FOXO3: variants seen among roughly 807,000 people sequenced by gnomAD.
FOXO3 encodes the protein forkhead box O3, also known as forkhead box protein O3.
A neutral mutation model predicts 41.9 loss-of-function variants in FOXO3; 4 were observed. The ratio of observed to expected loss-of-function variants is 0.10; its 90% confidence interval spans 0.05 to 0.22. The LOEUF (loss-of-function observed/expected upper bound fraction) is 0.22, where lower values mean the gene tolerates loss of function less well. Among genes scored for constraint, FOXO3 ranks in the 10% least tolerant of loss-of-function variants. FOXO3 has a pLI of 1.00. For missense variants in FOXO3, 534 were observed against 906.8 expected, an observed-to-expected ratio of 0.59 and a Z score of 5.28; for synonymous variants, 318 against 389.3, an observed-to-expected ratio of 0.82 and a Z score of 2.16.
At chr6:108,593,235 G>GT (rs1776779065) in intron 1 of FOXO3, among the ~76,000 whole-genome samples, 1 of 152,114 alleles carries the variant, frequency 6.6e-6, no homozygotes, top group African/African-American at 2.4e-5. Flanking sequence ...GAAATAGGGT[G>GT]TGCAGATATT....
rs1770820703 is a variant in FOXO3, at chr6:108,680,791, G to A, written c.*999G>A. 1 of 150,594 alleles carries A rather than the reference G, an allele frequency of 6.6e-6. No homozygotes were observed. The highest frequency in any genetic ancestry group is 2.1e-4 in the South Asian group (1 of 4,762). 9.3% of individuals were successfully genotyped at this position (150,594 alleles called of 1,614,324 possible). The stretch of plus-strand genomic sequence containing the variant: ...CAAAAAAGTCCTGTTTTGCTTTGCA[G>A]AACAAATGAACTTACAGGTGAGCAT... On this transcript the variant is annotated 3_prime_UTR_variant, in exon 3 of 3. Transcript: ENST00000406360.
At chr6:108,566,203 T>A (rs1488937828) in intron 1 of FOXO3, among the ~76,000 whole-genome samples, 1 of 152,226 alleles carries the variant, frequency 6.6e-6, no homozygotes, top group Non-Finnish European at 1.5e-5. Context: ...TAACAGAGAC[T>A]CTTTAAAAAA....
chr6:108,629,683 C>G (rs1417565680), intron 1 of FOXO3, among the ~76,000 whole-genome samples: 2 of 149,818 alleles, frequency 1.3e-5, no homozygotes, highest in African/African-American at 2.4e-5. Flanking sequence ...CTTTTTTTTT[C>G]TGACAGGAGA....
intron 1 of FOXO3, among the ~76,000 whole-genome samples, chr6:108,662,906 C>T (rs189054936): frequency 1.3e-5 from 2 of 152,320 alleles, no homozygotes; most frequent in African/African-American, 4.8e-5. Context: ...AAACTACTAT[C>T]AGTGAGCTTA....
At chr6:108,679,413 G>A (rs558765267) in intron 2 of FOXO3, among the ~76,000 whole-genome samples, 3 of 152,216 alleles carry the variant, frequency 2.0e-5, no homozygotes, top group Admixed American at 6.5e-5. Context: ...TAGGATGAGC[G>A]GCTCTCCTTG....
In FOXO3 at chr6:108,561,712, C is replaced by G; in HGVS notation, c.504C>G (p.Arg168=). The change falls in exon 1 of 3, where the codon CGC becomes CGG. Residue 168 remains arginine, a synonymous_variant. Transcript: ENST00000406360. ...GNLSYADLIT[R]AIESSPDKRL... The stretch of plus-strand genomic sequence containing the variant: ...TGTCCTACGCGGACCTGATCACCCG[C>G]GCCATCGAGAGCTCCCCGGACAAAC... 6.2e-7 allele frequency: 1 copy of G among 1,612,124 alleles called. No homozygotes were observed. Among genetic ancestry groups the G allele is most frequent in the South Asian group, 1.1e-5 (1 of 90,920 alleles).
chr6:108,606,620 C>T (rs1325619943), intron 1 of FOXO3, among the ~76,000 whole-genome samples: 9 of 152,250 alleles, frequency 5.9e-5, no homozygotes, highest in Admixed American at 2.0e-4. Context: ...AGCAAGCAGC[C>T]TTGTGAACAA....
At chr6:108,601,165 G>C (rs1257706482) in intron 1 of FOXO3, among the ~76,000 whole-genome samples, 1 of 151,768 alleles carries the variant, frequency 6.6e-6, no homozygotes, top group Admixed American at 6.6e-5. Context: ...CTGCCACCAT[G>C]CCCGGCTAAT....
intron 1 of FOXO3, among the ~76,000 whole-genome samples, chr6:108,663,055 C>T (rs1582827126): frequency 6.6e-6 from 1 of 152,004 alleles, no homozygotes; most frequent in Non-Finnish European, 1.5e-5. Context: ...TTTTTTTTAA[C>T]CTTTGAAATT....
In FOXO3 at chr6:108,560,960, C is replaced by T. The variant is rs944591447; in HGVS notation, c.-249C>T. ...TTCGCTGGCCGCACGTCTTCAGGTC[C>T]TCCTGTTCCTGGGAGGCGGGCGCGG... On this transcript the variant is annotated 5_prime_UTR_variant, in exon 1 of 3. Transcript: ENST00000406360. 7 of 1,330,334 alleles carry T rather than the reference C, an allele frequency of 5.3e-6. No homozygotes were observed. The highest frequency in any genetic ancestry group is 4.6e-5 in the African/African-American group (3 of 64,556). 82.4% of individuals were successfully genotyped at this position (1,330,334 alleles called of 1,614,324 possible).
At chr6:108,625,818 C>A in intron 1 of FOXO3, among the ~76,000 whole-genome samples, 1 of 152,134 alleles carries the variant, frequency 6.6e-6, no homozygotes, top group Non-Finnish European at 1.5e-5. Flanking sequence ...ACTACCATGT[C>A]CTGGGTTGTT....
At chr6:108,617,433 A>G (rs1777544856) in intron 1 of FOXO3, among the ~76,000 whole-genome samples, 1 of 152,130 alleles carries the variant, frequency 6.6e-6, no homozygotes, top group Non-Finnish European at 1.5e-5. Flanking sequence ...TTAAACAGTA[A>G]GACGCTTGAC....
chr6:108,645,952 A>C (rs1778382632), intron 1 of FOXO3, among the ~76,000 whole-genome samples: 1 of 152,220 alleles, frequency 6.6e-6, no homozygotes, highest in South Asian at 2.1e-4. Context: ...TTGAGTTATC[A>C]GGTAGGATTA....
At chr6:108,676,643 A>G (rs746096057) in intron 2 of FOXO3, among the ~76,000 whole-genome samples, 4 of 152,240 alleles carry the variant, frequency 2.6e-5, no homozygotes, top group Non-Finnish European at 5.9e-5. Flanking sequence ...ACTTTAAACT[A>G]TTTAAGAATG....
chr6:108,650,280 C>T (rs975629599), intron 1 of FOXO3, among the ~76,000 whole-genome samples: 14 of 152,278 alleles, frequency 9.2e-5, no homozygotes, highest in African/African-American at 3.4e-4. Flanking sequence ...TGGGCTCACC[C>T]TCCAACTCTC....
At chr6:108,601,132 C>T (rs1165504825) in intron 1 of FOXO3, among the ~76,000 whole-genome samples, 1 of 151,934 alleles carries the variant, frequency 6.6e-6, no homozygotes, top group African/African-American at 2.4e-5. Flanking sequence ...CTCAGCCTCC[C>T]CAGTAGGTGG....
At chr6:108,657,346 A>G (rs1393284587) in intron 1 of FOXO3, among the ~76,000 whole-genome samples, 1 of 152,186 alleles carries the variant, frequency 6.6e-6, no homozygotes, top group Non-Finnish European at 1.5e-5. Context: ...ATTTCTAAGT[A>G]CTGAATTTAA....
At chr6:108,575,450 T>C (rs1319563504) in intron 1 of FOXO3, among the ~76,000 whole-genome samples, 1 of 151,894 alleles carries the variant, frequency 6.6e-6, no homozygotes, top group Non-Finnish European at 1.5e-5. Flanking sequence ...GATGGTTTCA[T>C]AGAGTAAAAC....
chr6:108,649,447 T>C (rs968632294), intron 1 of FOXO3, among the ~76,000 whole-genome samples: 2 of 151,850 alleles, frequency 1.3e-5, no homozygotes, highest in Non-Finnish European at 2.9e-5. Context: ...CCCTGGCAAA[T>C]TGTTCTCCAA....
Sources: allele counts gnomAD v4.1 joint callset (sites outside exome capture counted in the v4.1 genomes callset), GRCh38; gene constraint gnomAD v4.1.1; transcripts MANE v1.5; gene names NCBI Gene and HGNC (gene_info 2026-07-23, HGNC 2026-07-21).